Variants in CTNNA2 observed in about 807,000 individuals in gnomAD.
CTNNA2 encodes catenin alpha-2.
Under a neutral mutation model 101.0 loss-of-function variants are expected in CTNNA2, and 42 were observed. That is an observed-to-expected ratio of 0.42 (90% CI 0.32 to 0.54). The LOEUF (loss-of-function observed/expected upper bound fraction) is 0.54. Ranked by LOEUF, CTNNA2 falls within the 20% of genes least tolerant of loss-of-function variation. CTNNA2 has a pLI of 0.14. For missense variants in CTNNA2, 871 were observed against 1,223.1 expected (o/e 0.71, Z 4.29); for synonymous variants, 450 against 456.4 (o/e 0.99, Z 0.18).
At chr2:80,642,476 A>G (rs1024571833) in intron 18 of CTNNA2, among the ~76,000 whole-genome samples, 1 of 152,190 alleles carries the variant, frequency 6.6e-6, no homozygotes, top group African/African-American at 2.4e-5. Flanking sequence ...TAGTTGGCAG[A>G]AAGTATTCAG....
At chr2:80,385,478 G>A (rs545366125) in intron 7 of CTNNA2, among the ~76,000 whole-genome samples, 55 of 152,326 alleles carry the variant, frequency 3.6e-4, no homozygotes, top group African/African-American at 1.2e-3. Flanking sequence ...CTCCAGAAAT[G>A]TGAGAAATAA....
chr2:80,605,003 T>C (rs973741932), intron 16 of CTNNA2, among the ~76,000 whole-genome samples: 20 of 152,028 alleles, frequency 1.3e-4, no homozygotes, highest in Admixed American at 3.9e-4. Context: ...TAATAACTTA[T>C]GCTCCACCAT....
intron 6 of CTNNA2, among the ~76,000 whole-genome samples, chr2:79,882,356 C>A (rs753382095): frequency 6.6e-6 from 1 of 152,198 alleles, no homozygotes; most frequent in Non-Finnish European, 1.5e-5. Context: ...CACCCCTCCC[C>A]CTAGGGGCTC....
intron 2 of CTNNA2, among the ~76,000 whole-genome samples, chr2:79,663,190 A>C (rs1682161348): frequency 6.6e-6 from 1 of 152,174 alleles, no homozygotes; most frequent in Non-Finnish European, 1.5e-5. Flanking sequence ...TCCTGGTTCC[A>C]AACACAAGTC....
At chr2:80,413,812 G>A (rs1281801023) in intron 8 of CTNNA2, among the ~76,000 whole-genome samples, 1 of 152,186 alleles carries the variant, frequency 6.6e-6, no homozygotes, top group Non-Finnish European at 1.5e-5. Flanking sequence ...TTCATGGAAA[G>A]ATTTAAGGCT....
At chr2:80,376,280 G>C (rs1044170164) in intron 7 of CTNNA2, among the ~76,000 whole-genome samples, 9 of 151,914 alleles carry the variant, frequency 5.9e-5, no homozygotes, top group South Asian at 4.1e-4. Context: ...CCTTCACACA[G>C]AGGTTTCCAT....
chr2:79,417,122 T>A (rs1304183231), intron 4 of CTNNA2, among the ~76,000 whole-genome samples: 1 of 152,130 alleles, frequency 6.6e-6, no homozygotes, highest in Non-Finnish European at 1.5e-5. Flanking sequence ...TTGAGTGTAT[T>A]GGACAGCACA....
chr2:79,368,133 T>A (rs983566130), intron 3 of CTNNA2, among the ~76,000 whole-genome samples: 2 of 152,232 alleles, frequency 1.3e-5, no homozygotes, highest in African/African-American at 4.8e-5. Flanking sequence ...AAGTCAGTAC[T>A]CTTCATCATG....
At chr2:80,043,071 CTT>C (rs1696220095) in intron 7 of CTNNA2, among the ~76,000 whole-genome samples, 1 of 47,968 alleles carries the variant, frequency 2.1e-5, no homozygotes, top group African/African-American at 1.1e-4. Context: ...TTCTTTCTTT[CTT>C]TCTTTCTTTC....
chr2:80,494,564 G>A (rs1160650265), intron 9 of CTNNA2, among the ~76,000 whole-genome samples: 2 of 150,364 alleles, frequency 1.3e-5, no homozygotes, highest in African/African-American at 4.9e-5. Context: ...AAGACTTAGG[G>A]GGCAGAAGAG....
At chr2:80,603,073 T>C (rs1248523400) in intron 15 of CTNNA2, among the ~76,000 whole-genome samples, 1 of 152,086 alleles carries the variant, frequency 6.6e-6, no homozygotes, top group Admixed American at 6.6e-5. Context: ...TGAATAGTTT[T>C]TCTGTACAGC....
At chr2:80,579,181 T>C (rs1182727580) in intron 13 of CTNNA2, 1 of 152,180 alleles carries the variant, frequency 6.6e-6, no homozygotes, top group African/African-American at 2.4e-5. Flanking sequence ...TTAATACCTC[T>C]TTTGATTTTA....
chr2:79,233,374 T>G (rs1416969359), intron 2 of CTNNA2, among the ~76,000 whole-genome samples: 1 of 152,230 alleles, frequency 6.6e-6, no homozygotes, highest in Non-Finnish European at 1.5e-5. Context: ...AGAGATTTTC[T>G]TATTATTGAT....
At chr2:80,338,025 G>A (rs1339585430) in intron 7 of CTNNA2, among the ~76,000 whole-genome samples, 2 of 151,506 alleles carry the variant, frequency 1.3e-5, no homozygotes, top group Non-Finnish European at 2.9e-5. Context: ...GTGTCACTCT[G>A]TTGCCCAGGC....
chr2:80,580,926 G>T (rs1695480552), intron 13 of CTNNA2, among the ~76,000 whole-genome samples: 1 of 152,158 alleles, frequency 6.6e-6, no homozygotes, highest in Non-Finnish European at 1.5e-5. Context: ...TGAGGTACAA[G>T]AATAACTTGA....
At chr2:80,372,107 C>T (rs1246961801) in intron 7 of CTNNA2, among the ~76,000 whole-genome samples, 1 of 152,068 alleles carries the variant, frequency 6.6e-6, no homozygotes, top group Non-Finnish European at 1.5e-5. Flanking sequence ...AATCATCTCC[C>T]TCCCTATGAA....
Position 80,021,721 on chromosome 2 carries a change from T to G in CTNNA2, c.1056+111924T>G, listed in dbSNP as rs192670017. Among the ~76,000 whole-genome samples the G allele has an allele frequency of 3.6e-3, 552 of 152,300 alleles. 3 individuals carry two copies. The highest frequency in any genetic ancestry group is 0.013 in the African/African-American group (529 of 41,548). On this transcript the variant is annotated intron_variant, in intron 7 of 18. Transcript: ENST00000402739. ...ATTGCCTCACACACTTATCATTTTT[T>G]TTTGTGGTGAGAACATTTAAAATCT...
At chr2:80,103,142 C>A (rs1320983517) in intron 7 of CTNNA2, among the ~76,000 whole-genome samples, 1 of 152,144 alleles carries the variant, frequency 6.6e-6, no homozygotes, top group African/African-American at 2.4e-5. Flanking sequence ...TTAGTCCACT[C>A]CAGCCACCAT....
intron 2 of CTNNA2, among the ~76,000 whole-genome samples, chr2:79,734,452 T>A (rs1687389128): frequency 6.6e-6 from 1 of 152,150 alleles, no homozygotes. Context: ...ATCAAATATA[T>A]CTTTAAAATG....
Sources: gnomAD v4.1 joint callset for allele counts (sites outside exome capture counted in the v4.1 genomes callset) on GRCh38, gnomAD v4.1.1 for gene constraint, MANE v1.5 for transcripts, NCBI Gene and HGNC (gene_info 2026-07-23, HGNC 2026-07-21) for gene names.